The following ELP3 variants were observed in gnomAD, a reference collection of about 807,000 sequenced individuals.
The protein encoded by ELP3 is elongator complex protein 3.
In ELP3, 56 loss-of-function variants were observed where a neutral mutation model predicts 74.9. The observed-to-expected ratio is 0.75, with a 90% CI of 0.60 to 0.93. ELP3 has a LOEUF of 0.93. ELP3 is among the 40% of genes least tolerant of loss of function. ELP3 has a pLI of 0.00. For synonymous variants in ELP3, 222 were observed against 239.8 expected (o/e 0.93, Z 0.68); for missense variants, 573 against 686.5 (o/e 0.83, Z 1.85).
intron 7 of ELP3, among the ~76,000 whole-genome samples, chr8:28,117,957 G>A (rs896076734): frequency 2.6e-5 from 4 of 152,198 alleles, no homozygotes; most frequent in African/African-American, 9.6e-5. Flanking sequence ...GACATAATGT[G>A]GCCCTCGGAA....
intron 9 of ELP3, among the ~76,000 whole-genome samples, chr8:28,135,455 A>G (rs909153605): frequency 6.6e-6 from 1 of 152,156 alleles, no homozygotes; most frequent in South Asian, 2.1e-4. Context: ...TGGCCTGAGT[A>G]TATCTCAGGA....
intron 7 of ELP3, among the ~76,000 whole-genome samples, chr8:28,114,692 G>A (rs1812054876): frequency 6.6e-6 from 1 of 152,200 alleles, no homozygotes; most frequent in South Asian, 2.1e-4. Flanking sequence ...ATGTGGAGGG[G>A]ACAAACACCC....
At position 28,165,850 on chromosome 8, in the gene ELP3, A is replaced by G. The variant is rs889883088; in HGVS notation, c.1567+3772A>G. Among the ~76,000 whole-genome samples, 3 of 152,306 alleles carry G rather than the reference A, an allele frequency of 2.0e-5. No individual in the cohort carries two copies. The South Asian group carries it at 6.2e-4, about 32-fold the overall frequency. On this transcript the variant is annotated intron_variant, in intron 14 of 14. Transcript: ENST00000256398. ...ATTGGTTTTTTATCTGTGCTACTTCAGTAGACTTTGTTTATAGGTATATAC... is the reference window on the plus strand; with the variant it reads ...ATTGGTTTTTTATCTGTGCTACTTCGGTAGACTTTGTTTATAGGTATATAC...
intron 14 of ELP3, among the ~76,000 whole-genome samples, chr8:28,170,771 T>C (rs1268809455): frequency 1.3e-5 from 2 of 152,212 alleles, no homozygotes; most frequent in African/African-American, 4.8e-5. Flanking sequence ...CATTTTTAAG[T>C]GTATAAATCA....
At position 28,101,191 on chromosome 8, in the gene ELP3, G is replaced by A. The variant is rs546838000; in HGVS notation, c.258+1225G>A. 4.0e-3 allele frequency among the ~76,000 whole-genome samples: 606 copies of A among 152,052 alleles called. 3 individuals carry two copies. The highest frequency in any genetic ancestry group is 6.5e-3 in the Non-Finnish European group (445 of 67,994). On this transcript the variant is annotated intron_variant, in intron 3 of 14. Transcript: ENST00000256398. ...CCAGCACTTTGGGAGGCCGAGGTGG[G>A]CCGATCACAAGGTCAGGTCAAGACC...
intron 7 of ELP3, among the ~76,000 whole-genome samples, chr8:28,128,239 C>T (rs4510811): frequency 0.57 from 85,846 of 151,824 alleles, 25,667 homozygotes; most frequent in East Asian, 0.89. Context: ...TTTGGGGGGC[C>T]GAAGCAGGTG....
chr8:28,105,918 C>G (rs1487957312), intron 3 of ELP3, among the ~76,000 whole-genome samples: 16 of 152,218 alleles, frequency 1.1e-4, no homozygotes, highest in Non-Finnish European at 2.9e-5. Flanking sequence ...TATTTACACC[C>G]AGACCCTGAA....
chr8:28,132,996 G>A (rs1812838597), intron 9 of ELP3, among the ~76,000 whole-genome samples: 1 of 151,996 alleles, frequency 6.6e-6, no homozygotes, highest in African/African-American at 2.4e-5. Flanking sequence ...GAATCTCACT[G>A]TATTAATAAG....
chr8:28,163,471 T>C (rs1814182440), intron 14 of ELP3, among the ~76,000 whole-genome samples: 1 of 152,078 alleles, frequency 6.6e-6, no homozygotes, highest in Non-Finnish European at 1.5e-5. Flanking sequence ...GGCTCACTTA[T>C]AATCATTTAG....
chr8:28,105,775 T>C lies in ELP3; in HGVS notation c.259-938T>C, dbSNP rs1040885194. On this transcript the variant is annotated intron_variant, in intron 3 of 14. Coordinates refer to ENST00000256398, the MANE Select transcript of ELP3 (RefSeq NM_018091.6). Reference sequence around the variant, plus strand: ...ATGTTTATAGCTACTTCTCTGATAGTAAGAAGCCTGGCTTGCTTTCACTTT... The same window carrying C: ...ATGTTTATAGCTACTTCTCTGATAGCAAGAAGCCTGGCTTGCTTTCACTTT... Among the ~76,000 whole-genome samples the C allele has an allele frequency of 1.3e-5, 2 of 152,354 alleles. 1 individual carries two copies. Among genetic ancestry groups the C allele is most frequent in the South Asian group, 4.1e-4 (2 of 4,832 alleles).
chr8:28,091,722 A>G (rs1003178749), upstream of ELP3, among the ~76,000 whole-genome samples: 1 of 152,214 alleles, frequency 6.6e-6, no homozygotes, highest in Non-Finnish European at 1.5e-5. Flanking sequence ...AACGTAAACC[A>G]AACAGTGTCT....
chr8:28,167,847 G>T (rs1242855965), intron 14 of ELP3, among the ~76,000 whole-genome samples: 1 of 152,118 alleles, frequency 6.6e-6, no homozygotes, highest in African/African-American at 2.4e-5. Flanking sequence ...TGTTCCAGTA[G>T]TATTTTTAAA....
chr8:28,172,431 G>A (rs1424789076), intron 14 of ELP3, among the ~76,000 whole-genome samples: 1 of 151,844 alleles, frequency 6.6e-6, no homozygotes, highest in Non-Finnish European at 1.5e-5. Flanking sequence ...TTAAAATTTT[G>A]TTTTTGAATT....
chr8:28,174,220 CTATT>C (rs1367815555), intron 14 of ELP3, among the ~76,000 whole-genome samples: 1 of 151,916 alleles, frequency 6.6e-6, no homozygotes, highest in African/African-American at 2.4e-5. Flanking sequence ...TAATGTAGAA[CTATT>C]TATTTCTCCC....
chr8:28,112,323 G>A (rs1246677005), intron 6 of ELP3: 4 of 152,044 alleles, frequency 2.6e-5, no homozygotes, highest in Non-Finnish European at 5.9e-5. Context: ...AGTAGAGACG[G>A]GGTTTCACCA....
Position 28,160,306 on chromosome 8 carries a change from C to A in ELP3, c.1335C>A (p.Asp445Glu). Residue 445 changes from aspartate to glutamate, a missense_variant, in exon 13 of 15, where the codon GAC (aspartate) becomes GAA (glutamate). Coordinates refer to ENST00000256398, the MANE Select transcript of ELP3 (RefSeq NM_018091.6). ...TGTCATACGAAGACCCAGATCAAGA[C>A]ATTTTGATTGGCCTCCTACGATTAC... ...TFLSYEDPDQ[D>E]ILIGLLRLRK... 6.2e-7 allele frequency: 1 copy of A among 1,614,128 alleles called. No individual in the cohort carries two copies.
chr8:28,092,068 G>C (rs1430795706), upstream of ELP3, among the ~76,000 whole-genome samples: 1 of 152,200 alleles, frequency 6.6e-6, no homozygotes, highest in East Asian at 1.9e-4. Flanking sequence ...GAATTCAACA[G>C]AAGTGTTGTA....
chr8:28,106,987 G>A (rs1358818433), intron 4 of ELP3, among the ~76,000 whole-genome samples: 3 of 152,166 alleles, frequency 2.0e-5, no homozygotes, highest in Non-Finnish European at 2.9e-5. Context: ...AGTGGCTTAC[G>A]CCTATAATCC....
intron 13 of ELP3, among the ~76,000 whole-genome samples, chr8:28,161,534 A>G (rs1050758561): frequency 6.6e-5 from 10 of 151,718 alleles, no homozygotes; most frequent in Non-Finnish European, 1.3e-4. Context: ...AGATTGAGCC[A>G]GAGTGATCTC....
Sources: allele counts gnomAD v4.1 joint callset (sites outside exome capture counted in the v4.1 genomes callset), GRCh38; gene constraint gnomAD v4.1.1; transcripts MANE v1.5; gene names NCBI Gene and HGNC (gene_info 2026-07-23, HGNC 2026-07-21).